Variants in PLK4 observed in about 807,000 individuals in gnomAD.
PLK4 encodes the protein serine/threonine-protein kinase PLK4.
In PLK4, 51 loss-of-function variants were observed where a neutral mutation model predicts 103.0. That is an observed-to-expected ratio of 0.50 (90% CI 0.40 to 0.63). The LOEUF (loss-of-function observed/expected upper bound fraction) is 0.63, where lower values mean the gene tolerates loss of function less well. Among genes scored for constraint, PLK4 ranks in the 20% least tolerant of loss-of-function variants. PLK4 has a pLI of 0.00. For synonymous variants in PLK4, 389 were observed against 376.8 expected (o/e 1.03, Z -0.38); for missense variants, 1,054 against 1,151.0 (o/e 0.92, Z 1.22).
In PLK4 at chr4:127,896,781, C is replaced by A; in HGVS notation, c.2704-20C>A. ...TTTTTTTTCTGTGCCTGTTCTTACC[C>A]ATGCTTATTATTTTTCTAGTTAACT... On this transcript the variant is annotated intron_variant, in intron 14 of 15. Transcript: ENST00000270861. 7.0e-7 allele frequency: 1 copy of A among 1,432,656 alleles called. No homozygotes were observed. The highest frequency in any genetic ancestry group is 1.2e-5 in the South Asian group (1 of 85,944). The allele number at this position is 1,432,656 out of a possible 1,614,324, so 88.7% of individuals were successfully genotyped here.
intron 2 of PLK4, among the ~76,000 whole-genome samples, chr4:127,882,813 A>G (rs1645129670): frequency 6.6e-6 from 1 of 151,968 alleles, no homozygotes; most frequent in South Asian, 2.1e-4. Flanking sequence ...CCAGCTACTC[A>G]GGAGGCTGAG....
At chr4:127,883,674 T>G in intron 4 of PLK4, 121 bp downstream of exon 4, 1 of 492,908 alleles carries the variant, frequency 2.0e-6, no homozygotes, top group Non-Finnish European at 3.6e-6. Flanking sequence ...AATTATTACT[T>G]TAAGCTAGAA....
chr4:127,894,696 A>G (rs1735496611), intron 13 of PLK4, among the ~76,000 whole-genome samples: 1 of 152,220 alleles, frequency 6.6e-6, no homozygotes, highest in Non-Finnish European at 1.5e-5. Context: ...GTACTCACCC[A>G]CATACACAAA....
chr4:127,884,751 A>G (rs1735054821), intron 4 of PLK4, among the ~76,000 whole-genome samples: 1 of 152,158 alleles, frequency 6.6e-6, no homozygotes, highest in Non-Finnish European at 1.5e-5. Flanking sequence ...ATCCTGGCTG[A>G]CATGGTGAAA....
intron 9 of PLK4, 175 bp from the exon 10 acceptor site, chr4:127,892,190 G>A (rs1265729435): frequency 4.9e-6 from 2 of 409,764 alleles, no homozygotes; most frequent in South Asian, 5.8e-5. Flanking sequence ...TTTGGTTTCT[G>A]GATATTATGG....
Position 127,898,872 on chromosome 4 carries a change from G to C in PLK4, c.*331G>C. On this transcript the variant is annotated 3_prime_UTR_variant, in exon 16 of 16. Coordinates refer to ENST00000270861, the MANE Select transcript of PLK4 (RefSeq NM_014264.5). ...TATTTGTGCTTTTATTGTTTTCCCTGCGTCTCAGACATGTTGAGAATCATG... is the reference window on the plus strand; with the variant it reads ...TATTTGTGCTTTTATTGTTTTCCCTCCGTCTCAGACATGTTGAGAATCATG... 1 of 172,542 alleles carries C rather than the reference G, an allele frequency of 5.8e-6. No homozygotes were observed. The highest frequency in any genetic ancestry group is 1.6e-4 in the East Asian group (1 of 6,280). The allele number at this position is 172,542 out of a possible 1,614,324, so 10.7% of individuals were successfully genotyped here.
Position 127,898,573 on chromosome 4 carries a change from A to G in PLK4, c.*32A>G. 9.7e-7 allele frequency: 1 copy of G among 1,030,206 alleles called. No homozygotes were observed. 63.8% of individuals were successfully genotyped at this position (1,030,206 alleles called of 1,614,324 possible). ...CTCCTTTCAGACATATAAGTTTAAT[A>G]AATAACTTTTTTGTTGACTTTCAAG... On this transcript the variant is annotated 3_prime_UTR_variant, in exon 16 of 16. Transcript: ENST00000270861.
In PLK4 at chr4:127,891,072, T is replaced by G. The variant is rs1400718137; in HGVS notation, c.1831-20T>G. 17 of 1,354,672 alleles carry G rather than the reference T, an allele frequency of 1.3e-5. No individual in the cohort carries two copies. The highest frequency in any genetic ancestry group is 3.8e-5 in the South Asian group (3 of 78,226). 83.9% of individuals were successfully genotyped at this position (1,354,672 alleles called of 1,614,324 possible). A position where few individuals can be genotyped will look rare whatever the true frequency, so the allele number is the denominator to read the frequency against. On this transcript the variant is annotated intron_variant, in intron 7 of 15. Coordinates refer to ENST00000270861, the MANE Select transcript of PLK4 (RefSeq NM_014264.5). Reference sequence around the variant, plus strand: ...TAAACAAAAGAATTATTACTGATTTTGGGTTTTTTTTTTTTTTAGGTGAGC... The same window carrying G: ...TAAACAAAAGAATTATTACTGATTTGGGGTTTTTTTTTTTTTTAGGTGAGC...
intron 13 of PLK4, 62 bp from the exon 14 acceptor site, chr4:127,894,891 T>G (rs1735503694): frequency 8.9e-7 from 1 of 1,119,574 alleles, no homozygotes; most frequent in African/African-American, 1.6e-5. Flanking sequence ...TGTCTGCTTT[T>G]GCTGAATGTG....
chr4:127,881,916 C>G lies in PLK4; in HGVS notation c.116C>G (p.Ala39Gly). The change falls in exon 2 of 16, where the codon GCA becomes GGA. Residue 39 changes from alanine to glycine, a missense_variant. Physicochemically the swap from Ala to Gly is moderately conservative, Grantham distance 60. Coordinates refer to ENST00000270861, the MANE Select transcript of PLK4 (RefSeq NM_014264.5). ...AESIHTGLEVAIKMIDKKAMY... is the reference protein window; with the variant it reads ...AESIHTGLEVGIKMIDKKAMY... Reference sequence around the variant, plus strand: ...TCCATTCACACTGGTTTGGAAGTTGCAATCAAAATGGTAAGAATAAACTAA... The same window carrying G: ...TCCATTCACACTGGTTTGGAAGTTGGAATCAAAATGGTAAGAATAAACTAA... The G allele has an allele frequency of 6.4e-7, 1 of 1,569,352 alleles. No homozygotes were observed. Among genetic ancestry groups the G allele is most frequent in the Non-Finnish European group, 8.8e-7 (1 of 1,139,298 alleles).
chr4:127,889,550 A>G (rs868297985), intron 6 of PLK4, among the ~76,000 whole-genome samples: 1 of 152,172 alleles, frequency 6.6e-6, no homozygotes, highest in South Asian at 2.1e-4. Flanking sequence ...TGGCAGTTGC[A>G]TGCTTTAGGA....
chr4:127,891,057 A>T, intron 7 of PLK4, 35 bp from the exon 8 acceptor site: 1 of 1,200,268 alleles, frequency 8.3e-7, no homozygotes, highest in Non-Finnish European at 1.2e-6. Context: ...TAAACAAAAG[A>T]ATTATTACTG....
intron 15 of PLK4, among the ~76,000 whole-genome samples, chr4:127,897,824 C>CTTTTTGTTTTTTTT (rs1735627356): frequency 3.5e-5 from 1 of 28,802 alleles, no homozygotes; most frequent in African/African-American, 1.8e-4. Flanking sequence ...AGAATTAGGG[C>CTTTTTGTTTTTTTT]TTTTTTTTTT....
chr4:127,894,369 GGCGACC>G (rs1735482071), intron 13 of PLK4, among the ~76,000 whole-genome samples: 1 of 152,046 alleles, frequency 6.6e-6, no homozygotes, highest in Non-Finnish European at 1.5e-5. Context: ...TGGGACTACA[GGCGACC>G]GCCACCATGC....
Position 127,881,239 on chromosome 4 carries a change from G to A in PLK4, c.30+75G>A, listed in dbSNP as rs371220316. 28 of 1,607,758 alleles carry A rather than the reference G, an allele frequency of 1.7e-5. No individual in the cohort carries two copies. The African/African-American group carries it at 3.1e-4, about 18-fold the overall frequency. On this transcript the variant is annotated intron_variant, in intron 1 of 15. Coordinates refer to ENST00000270861, the MANE Select transcript of PLK4 (RefSeq NM_014264.5). Reference sequence around the variant, plus strand: ...AGGACACGAGACCGCTGTGGGAAGGGGAGCGAACGAAGCTAACGGCTGCGG... The same window carrying A: ...AGGACACGAGACCGCTGTGGGAAGGAGAGCGAACGAAGCTAACGGCTGCGG...
In PLK4 at chr4:127,880,896, AC is replaced by A. The variant is rs1734887544; in HGVS notation, c.-237del. 1 of 563,538 alleles carries A rather than the reference AC, an allele frequency of 1.8e-6. No individual in the cohort carries two copies. Among genetic ancestry groups the A allele is most frequent in the African/African-American group, 1.9e-5 (1 of 52,796 alleles). 34.9% of individuals were successfully genotyped at this position (563,538 alleles called of 1,614,324 possible). A position where few individuals can be genotyped will look rare whatever the true frequency, so the allele number is the denominator to read the frequency against. ...GAGCGATCCATCTCGTTACGTCACC[AC>A]CAGCCTAGCTCGGACGGCAAGCGGC... On this transcript the variant is annotated 5_prime_UTR_variant, in exon 1 of 16. Transcript: ENST00000270861.
intron 9 of PLK4, 129 bp from the exon 10 acceptor site, chr4:127,892,236 T>G: frequency 1.7e-6 from 1 of 593,236 alleles, no homozygotes; most frequent in Non-Finnish European, 2.8e-6. Context: ...AAGCCTTCAT[T>G]GAGGTAACTC....
chr4:127,883,307 C>T lies in PLK4; in HGVS notation c.172C>T (p.Gln58Ter). ...MYKAGMVQRV[Q>*]NEVKIHCQLK... ...CAAAGCAGGAATGGTACAGAGAGTC[C>T]AAAATGAGGTGAAAATACATTGCCA... Residue 58 changes from glutamine to a stop codon, truncating the protein, a stop_gained, in exon 3 of 16, where the codon CAA becomes TAA. Coordinates refer to ENST00000270861, the MANE Select transcript of PLK4 (RefSeq NM_014264.5). LOFTEE classifies it high-confidence loss of function. The T allele has an allele frequency of 6.2e-7, 1 of 1,604,206 alleles. No homozygotes were observed. The highest frequency in any genetic ancestry group is 8.5e-7 in the Non-Finnish European group (1 of 1,171,468).
At chr4:127,883,113 G>A (rs1734990093) in intron 2 of PLK4, 149 bp from the exon 3 acceptor site, 1 of 528,272 alleles carries the variant, frequency 1.9e-6, no homozygotes, top group Non-Finnish European at 3.4e-6. Context: ...CACTCTGCTA[G>A]GTGCATGGGG....
Sources: allele counts gnomAD v4.1 joint callset (sites outside exome capture counted in the v4.1 genomes callset), GRCh38; gene constraint gnomAD v4.1.1; transcripts MANE v1.5; gene names NCBI Gene and HGNC (gene_info 2026-07-23, HGNC 2026-07-21).